Variants in FRMPD1 observed in about 807,000 individuals in gnomAD.
FRMPD1 encodes FERM and PDZ domain-containing protein 1.
A neutral mutation model predicts 117.8 loss-of-function variants in FRMPD1; 76 were observed. The ratio of observed to expected loss-of-function variants is 0.65; its 90% CI spans 0.54 to 0.78. The LOEUF (loss-of-function observed/expected upper bound fraction) is 0.78. FRMPD1 is among the 30% of genes least tolerant of loss of function. The probability of loss-of-function intolerance (pLI) is 0.00; values close to 1 mark genes in which losing one functional copy is unlikely to be tolerated. For missense variants in FRMPD1, 1,786 were observed against 1,964.5 expected, an observed-to-expected ratio of 0.91 and a Z score of 1.72; for synonymous variants, 783 against 770.4, an observed-to-expected ratio of 1.02 and a Z score of -0.27.
At chr9:37,664,804 T>C (rs1821111820) in intron 1 of FRMPD1, among the ~76,000 whole-genome samples, 1 of 152,102 alleles carries the variant, frequency 6.6e-6, no homozygotes, top group Non-Finnish European at 1.5e-5. Context: ...ATAAATCTAA[T>C]AAATTAGGGG....
chr9:37,666,443 C>T (rs1406278907), intron 1 of FRMPD1, among the ~76,000 whole-genome samples: 10 of 152,154 alleles, frequency 6.6e-5, no homozygotes, highest in Non-Finnish European at 1.2e-4. Flanking sequence ...TATGCCTCAT[C>T]GTCTTCATGC....
At chr9:37,650,831 G>GGGCGGGGGTCGCGGCGCCGGCAGCT (rs1407483817), upstream of FRMPD1, among the ~76,000 whole-genome samples, 6 of 148,932 alleles carry the variant, frequency 4.0e-5, no homozygotes, top group East Asian at 1.2e-3. Flanking sequence ...TCCTCCCCCG[G>GGGCGGGGGTCGCGGCGCCGGCAGCT]GGCGGGGGTC....
chr9:37,693,721 T>C (rs892531501), intron 2 of FRMPD1, among the ~76,000 whole-genome samples: 2 of 152,208 alleles, frequency 1.3e-5, no homozygotes, highest in African/African-American at 4.8e-5. Flanking sequence ...CTACTCTGCT[T>C]CCTTCACAGT....
At chr9:37,714,723 T>G (rs1007289102) in intron 5 of FRMPD1, among the ~76,000 whole-genome samples, 1 of 152,014 alleles carries the variant, frequency 6.6e-6, no homozygotes. Context: ...CTTGGCTCAC[T>G]GCAACCTCCG....
chr9:37,719,149 A>G lies in FRMPD1; in HGVS notation c.489A>G (p.Glu163=). ...ACCCCGTGAAGGTGCACTTTGCTGA[A>G]GAAGTGCTCATCAGTGGACACAGCC... The part of the protein sequence containing the change: ...KTNPVKVHFA[E]EVLISGHSQG... Residue 163 remains glutamate (E), a synonymous_variant, in exon 6 of 16, where the codon GAA becomes GAG. Coordinates refer to ENST00000377765, the MANE Select transcript of FRMPD1 (RefSeq NM_014907.3). 1 of 1,611,114 alleles carries G rather than the reference A, an allele frequency of 6.2e-7. No homozygotes were observed. Among genetic ancestry groups the G allele is most frequent in the Non-Finnish European group, 8.5e-7 (1 of 1,177,172 alleles).
At chr9:37,691,147 A>T (rs1003725357) in intron 1 of FRMPD1, among the ~76,000 whole-genome samples, 1 of 152,212 alleles carries the variant, frequency 6.6e-6, no homozygotes, top group Non-Finnish European at 1.5e-5. Context: ...CAGTTAGAAG[A>T]GTTTTACTTA....
chr9:37,663,090 T>G (rs1821048808), intron 1 of FRMPD1, among the ~76,000 whole-genome samples: 1 of 152,196 alleles, frequency 6.6e-6, no homozygotes, highest in Non-Finnish European at 1.5e-5. Flanking sequence ...TTTTATTGAT[T>G]GCCCATTAGA....
intron 1 of FRMPD1, among the ~76,000 whole-genome samples, chr9:37,665,101 A>G (rs901521022): frequency 1.3e-5 from 2 of 152,212 alleles, no homozygotes; most frequent in Non-Finnish European, 2.9e-5. Flanking sequence ...AATAAACAAT[A>G]ATGTTGTAGA....
Position 37,739,070 on chromosome 9 carries a change from A to C in FRMPD1, c.1550-1008A>C, listed in dbSNP as rs545292806. 3.3e-5 allele frequency among the ~76,000 whole-genome samples: 5 copies of C among 152,200 alleles called. No individual in the cohort carries two copies. In the South Asian group the frequency reaches 1.0e-3, roughly 32 times the overall value. ...GAGAAGGGCAGCTAGACTACAGAGG[A>C]GACCTCAGCGCCATTCTGTGAGGGA... On this transcript the variant is annotated intron_variant, in intron 14 of 15. Coordinates refer to ENST00000377765, the MANE Select transcript of FRMPD1 (RefSeq NM_014907.3).
chr9:37,637,354 G>A, the FRMPD1 span: 7 of 798,630 alleles, frequency 8.8e-6, no homozygotes, highest in Non-Finnish European at 1.5e-5. Flanking sequence ...CCCGTTCCAA[G>A]ATGGTGGCCG....
At chr9:37,679,320 T>G (rs760114159) in intron 1 of FRMPD1, among the ~76,000 whole-genome samples, 17 of 152,226 alleles carry the variant, frequency 1.1e-4, no homozygotes, top group Non-Finnish European at 2.5e-4. Flanking sequence ...ACCCCATCAC[T>G]TTTCTTTTTC....
At chr9:37,668,315 C>G (rs58177685) in intron 1 of FRMPD1, 14,542 of 152,364 alleles carry the variant, frequency 0.095, 990 homozygotes, top group African/African-American at 0.19. Context: ...GAGGGTCATG[C>G]TCCTGTGAGG....
At chr9:37,718,487 T>C (rs1191821029) in intron 5 of FRMPD1, among the ~76,000 whole-genome samples, 1 of 152,240 alleles carries the variant, frequency 6.6e-6, no homozygotes, top group Non-Finnish European at 1.5e-5. Context: ...CTTCACCATA[T>C]ACTCATACCA....
In FRMPD1 at chr9:37,715,109, G is replaced by A. The variant is rs898828717; in HGVS notation, c.408+3714G>A. Reference sequence around the variant, plus strand: ...ACATTAATCACTGCTTCCCTAGAACGTAGAATTTTATGAAAATGTTCTGGT... The same window carrying A: ...ACATTAATCACTGCTTCCCTAGAACATAGAATTTTATGAAAATGTTCTGGT... On this transcript the variant is annotated intron_variant, in intron 5 of 15. Coordinates refer to ENST00000377765, the MANE Select transcript of FRMPD1 (RefSeq NM_014907.3). Among the ~76,000 whole-genome samples, 10 of 152,138 alleles carry A rather than the reference G, an allele frequency of 6.6e-5. No homozygotes were observed. The East Asian group carries it at 9.6e-4, about 15-fold the overall frequency.
At chr9:37,636,807 T>C in the FRMPD1 span, 1 of 1,612,136 alleles carries the variant, frequency 6.2e-7, no homozygotes, top group South Asian at 1.1e-5. Context: ...GCCATGGTCA[T>C]GAACGCCTGC....
chr9:37,632,733 G>A, the FRMPD1 span, among the ~76,000 whole-genome samples: 1 of 152,058 alleles, frequency 6.6e-6, no homozygotes, highest in African/African-American at 2.4e-5. Flanking sequence ...CAGGGCTGCA[G>A]TACTCTAATT....
At chr9:37,720,702 C>T (rs1278044361) in intron 6 of FRMPD1, among the ~76,000 whole-genome samples, 2 of 151,618 alleles carry the variant, frequency 1.3e-5, no homozygotes, top group South Asian at 2.1e-4. Flanking sequence ...TCCTGGCCAA[C>T]GTGGTGAAAC....
In FRMPD1 at chr9:37,740,600, C is replaced by T; in HGVS notation, c.2072C>T (p.Thr691Ile). The T allele has an allele frequency of 6.2e-7, 1 of 1,614,210 alleles. No homozygotes were observed. Among genetic ancestry groups the T allele is most frequent in the South Asian group, 1.1e-5 (1 of 91,084 alleles). Residue 691 changes from threonine (T) to isoleucine (I), a missense_variant, in exon 15 of 16, where the codon ACA becomes ATA. By Grantham distance (89) the Thr-to-Ile change is moderately conservative (BLOSUM62 -1). Coordinates refer to ENST00000377765, the MANE Select transcript of FRMPD1 (RefSeq NM_014907.3). This position sits in a 1 kb window ranked among gnomAD's most constrained non-coding sequence, Gnocchi z 4.2. ...ETFGWAPELS[T>I]VRLDPRLYEG... ...TTTGGCTGGGCACCAGAACTGAGCA[C>T]AGTCAGGCTGGACCCCAGGCTGTAT...
At chr9:37,701,159 G>A (rs1283321601) in intron 2 of FRMPD1, among the ~76,000 whole-genome samples, 1 of 152,188 alleles carries the variant, frequency 6.6e-6, no homozygotes, top group African/African-American at 2.4e-5. Flanking sequence ...GTGGAGGACC[G>A]CACTCTGCCA....
Sources: allele counts gnomAD v4.1 joint callset (sites outside exome capture counted in the v4.1 genomes callset), GRCh38; gene constraint gnomAD v4.1.1; non-coding constraint Gnocchi (gnomAD v3.1); transcripts MANE v1.5; gene names NCBI Gene and HGNC (gene_info 2026-07-23, HGNC 2026-07-21).